The following RNF180 variants were observed in gnomAD, a reference collection of about 807,000 sequenced individuals.
RNF180 encodes ring finger protein 180, also known as E3 ubiquitin-protein ligase RNF180.
RNF180 carries 38 observed loss-of-function variants against 59.2 expected under a neutral mutation model. The ratio of observed to expected loss-of-function variants is 0.64; its 90% CI spans 0.50 to 0.84. The LOEUF (loss-of-function observed/expected upper bound fraction) is 0.84. RNF180 is among the 40% of genes least tolerant of loss of function. RNF180 has a pLI of 0.00. For missense variants in RNF180, 705 were observed against 700.9 expected (o/e 1.01, Z -0.07); for synonymous variants, 262 against 240.3 (o/e 1.09, Z -0.84).
chr5:64,304,993 A>C (rs748887811), intron 5 of RNF180, among the ~76,000 whole-genome samples: 1 of 151,656 alleles, frequency 6.6e-6, no homozygotes, highest in Non-Finnish European at 1.5e-5. Flanking sequence ...AAAAAGGATT[A>C]TGACTTACTG....
At chr5:64,345,096 A>C (rs1745504204) in intron 7 of RNF180, among the ~76,000 whole-genome samples, 1 of 152,158 alleles carries the variant, frequency 6.6e-6, no homozygotes, top group South Asian at 2.1e-4. Context: ...ATAACTTAAA[A>C]ATGTATAGCC....
chr5:64,313,247 T>C (rs1169885952), intron 5 of RNF180, among the ~76,000 whole-genome samples: 1 of 152,072 alleles, frequency 6.6e-6, no homozygotes, highest in Non-Finnish European at 1.5e-5. Context: ...ATAGATTAAT[T>C]AATCACCCAG....
intron 5 of RNF180, among the ~76,000 whole-genome samples, chr5:64,226,152 A>T (rs1741743001): frequency 6.6e-6 from 1 of 152,122 alleles, no homozygotes; most frequent in East Asian, 1.9e-4. Context: ...TGGGAGGTGT[A>T]CCCCACAGCT....
rs115339272 is a variant in RNF180 at position 64,238,357 on chromosome 5, G to T, written c.1227+20961G>T. ...TTTTAATTCTTTTGGAGAAATACTC[G>T]AGTGGGATCACTGGATCATATGGCA... On this transcript the variant is annotated intron_variant, in intron 5 of 7. Transcript: ENST00000389100. 1.2e-3 allele frequency among the ~76,000 whole-genome samples: 188 copies of T among 152,220 alleles called. 1 individual carries two copies. Among genetic ancestry groups the T allele is most frequent in the African/African-American group, 4.1e-3 (171 of 41,518 alleles).
At chr5:64,209,945 ATT>A (rs940436291) in intron 2 of RNF180, among the ~76,000 whole-genome samples, 29 of 152,110 alleles carry the variant, frequency 1.9e-4, no homozygotes, top group African/African-American at 7.0e-4. Flanking sequence ...GTTTAGTTTT[ATT>A]GAGTCACTTC....
chr5:64,191,471 T>A (rs914701071), intron 1 of RNF180, among the ~76,000 whole-genome samples: 15 of 152,206 alleles, frequency 9.9e-5, no homozygotes, highest in Admixed American at 2.0e-4. Flanking sequence ...TCCCCCCAGA[T>A]ACTTAGATAT....
chr5:64,208,906 G>A (rs1752164462), intron 2 of RNF180, among the ~76,000 whole-genome samples: 1 of 151,874 alleles, frequency 6.6e-6, no homozygotes, highest in South Asian at 2.1e-4. Context: ...AGGAGAATCA[G>A]CTGTGGAATT....
chr5:64,339,727 G>GACAA (rs536559103), intron 7 of RNF180, among the ~76,000 whole-genome samples: 1 of 151,348 alleles, frequency 6.6e-6, no homozygotes, highest in African/African-American at 2.4e-5. Flanking sequence ...AAATTGCGAA[G>GACAA]ACAAACAGTT....
At chr5:64,192,413 C>T (rs1205286796) in intron 1 of RNF180, among the ~76,000 whole-genome samples, 1 of 152,106 alleles carries the variant, frequency 6.6e-6, no homozygotes, top group African/African-American at 2.4e-5. Context: ...GTGGCTCACT[C>T]CTGTAATCCC....
chr5:64,186,145 T>A (rs772424126), intron 1 of RNF180, among the ~76,000 whole-genome samples: 2 of 152,148 alleles, frequency 1.3e-5, no homozygotes, highest in Non-Finnish European at 2.9e-5. Context: ...AATGTCTCTG[T>A]ATGTGACAAT....
chr5:64,284,170 T>C (rs1218426503), intron 5 of RNF180, among the ~76,000 whole-genome samples: 1 of 152,200 alleles, frequency 6.6e-6, no homozygotes, highest in East Asian at 1.9e-4. Context: ...TTTAGGCATG[T>C]TGAATATAAG....
chr5:64,329,217 T>G (rs2112533262), intron 6 of RNF180, among the ~76,000 whole-genome samples: 1 of 152,306 alleles, frequency 6.6e-6, no homozygotes, highest in African/African-American at 2.4e-5. Flanking sequence ...TCCTTTTCAC[T>G]ATCACTCCTG....
chr5:64,224,101 GTGTACA>G (rs1741523665), intron 5 of RNF180, among the ~76,000 whole-genome samples: 2 of 150,120 alleles, frequency 1.3e-5, no homozygotes, highest in South Asian at 4.3e-4. Context: ...GTGTGTGTGT[GTGTACA>G]TACATATTTA....
At chr5:64,236,852 G>A (rs184772348) in intron 5 of RNF180, among the ~76,000 whole-genome samples, 21 of 152,174 alleles carry the variant, frequency 1.4e-4, no homozygotes, top group Middle Eastern at 3.2e-3. Context: ...AAGCCTTGGC[G>A]GCTTCCACAT....
At chr5:64,240,517 T>C (rs1487320758) in intron 5 of RNF180, among the ~76,000 whole-genome samples, 1 of 152,226 alleles carries the variant, frequency 6.6e-6, no homozygotes, top group Non-Finnish European at 1.5e-5. Context: ...GTACCTGATA[T>C]GCAGTCATTG....
intron 7 of RNF180, among the ~76,000 whole-genome samples, chr5:64,337,009 T>TTTTTTGTTTTTG (rs1554044718): frequency 4.0e-5 from 6 of 151,522 alleles, no homozygotes; most frequent in Admixed American, 2.0e-4. Context: ...TTGTTGTTTT[T>TTTTTTGTTTTTG]TTTTTGTTTT....
intron 4 of RNF180, 84 bp from the exon 5 acceptor site, chr5:64,217,277 T>C (rs1752679240): frequency 9.9e-6 from 13 of 1,310,822 alleles, no homozygotes; most frequent in Non-Finnish European, 1.2e-5. Flanking sequence ...AGTGGATTGT[T>C]TTAGGTTTTG....
chr5:64,350,021 CA>C (rs1745731080), intron 7 of RNF180, among the ~76,000 whole-genome samples: 1 of 152,152 alleles, frequency 6.6e-6, no homozygotes, highest in Non-Finnish European at 1.5e-5. Flanking sequence ...AACTAGTTTA[CA>C]GTCCCACCAA....
chr5:64,349,986 A>G (rs1745728302), intron 7 of RNF180, among the ~76,000 whole-genome samples: 1 of 152,160 alleles, frequency 6.6e-6, no homozygotes, highest in African/African-American at 2.4e-5. Context: ...TTGAGGAATC[A>G]CCACATTGTC....
Sources: allele counts gnomAD v4.1 joint callset (sites outside exome capture counted in the v4.1 genomes callset), GRCh38; gene constraint gnomAD v4.1.1; transcripts MANE v1.5; gene names NCBI Gene and HGNC (gene_info 2026-07-23, HGNC 2026-07-21).